CHKA: variants seen among roughly 807,000 people sequenced by gnomAD.
CHKA encodes CHETK-alpha.
CHKA carries 34 observed loss-of-function variants against 60.1 expected under a neutral mutation model. The observed-to-expected ratio is 0.57, with a 90% confidence interval of 0.43 to 0.75. The LOEUF (loss-of-function observed/expected upper bound fraction) is 0.75. CHKA is among the 30% of genes least tolerant of loss of function. CHKA has a pLI of 0.00. For synonymous variants in CHKA, 217 were observed against 223.1 expected (o/e 0.97, Z 0.24); for missense variants, 563 against 561.3 (o/e 1.00, Z -0.03).
At chr11:68,074,919 A>C in intron 3 of CHKA, 89 bp from the exon 4 acceptor site, 1 of 1,138,276 alleles carries the variant, frequency 8.8e-7, no homozygotes, top group Non-Finnish European at 1.3e-6. Flanking sequence ...GTTTCATCTG[A>C]TCCTCATGAG....
At chr11:68,117,545 C>A (rs1270373509) in intron 1 of CHKA, among the ~76,000 whole-genome samples, 1 of 151,884 alleles carries the variant, frequency 6.6e-6, no homozygotes, top group African/African-American at 2.4e-5. Context: ...AAAAATTAGC[C>A]GGATGTGGTG....
Position 68,053,938 on chromosome 11 carries a change from C to A in CHKA, c.*50G>T, listed in dbSNP as rs752340593. On this transcript the variant is annotated 3_prime_UTR_variant, in exon 12 of 12. Coordinates refer to ENST00000265689, the MANE Select transcript of CHKA (RefSeq NM_001277.3). The stretch of plus-strand genomic sequence containing the variant: ...GAAGCACAGAGGGGACCCCGCTCTG[C>A]TGCCTCCCCATGCAGTCCAGTGATG... 6.4e-7 allele frequency: 1 copy of A among 1,560,270 alleles called. No individual in the cohort carries two copies. The highest frequency in any genetic ancestry group is 1.4e-5 in the African/African-American group (1 of 73,936).
At chr11:68,106,227 C>G (rs1565192831) in intron 1 of CHKA, among the ~76,000 whole-genome samples, 2 of 152,042 alleles carry the variant, frequency 1.3e-5, no homozygotes, top group African/African-American at 2.4e-5. Context: ...TCTCTGAAAA[C>G]AAGAAAAGCC....
At chr11:68,057,694 C>G (rs1856075221) in intron 11 of CHKA, among the ~76,000 whole-genome samples, 1 of 152,102 alleles carries the variant, frequency 6.6e-6, no homozygotes, top group African/African-American at 2.4e-5. Flanking sequence ...GGTCTATTAT[C>G]TGTTTCAAGT....
At chr11:68,058,766 C>G (rs1201066316) in intron 11 of CHKA, among the ~76,000 whole-genome samples, 1 of 152,218 alleles carries the variant, frequency 6.6e-6, no homozygotes, top group African/African-American at 2.4e-5. Context: ...CCTCACTGCA[C>G]CAGCTAGGAG....
chr11:68,105,911 C>T (rs1372060160), intron 1 of CHKA, among the ~76,000 whole-genome samples: 1 of 151,992 alleles, frequency 6.6e-6, no homozygotes, highest in Admixed American at 6.6e-5. Context: ...GCAGGCAGTT[C>T]CATGACTATC....
intron 1 of CHKA, among the ~76,000 whole-genome samples, chr11:68,118,121 T>G (rs1017615072): frequency 6.9e-4 from 105 of 152,132 alleles, no homozygotes; most frequent in African/African-American, 2.2e-3. Flanking sequence ...GCAGATGCAC[T>G]GGCACTCAGT....
In CHKA at chr11:68,068,925, T is replaced by G. The variant is rs1856529337; in HGVS notation, c.882A>C (p.Glu294Asp). The stretch of plus-strand genomic sequence containing the variant: ...AAAATACAACTGGAGATGGAGTAGA[T>G]TCAAGCAATGATCTGAAAAGAAAGG... Reference protein sequence around the residue: ...LELENLRSLLESTPSPVVFCH... With the variant: ...LELENLRSLLDSTPSPVVFCH... Residue 294 changes from glutamate to aspartate, a missense_variant, in exon 7 of 12, where the codon GAA (glutamate) becomes GAC (aspartate). Physicochemically the swap from Glu to Asp is conservative, Grantham distance 45. Transcript: ENST00000265689. 6.2e-7 allele frequency: 1 copy of G among 1,612,178 alleles called. No individual in the cohort carries two copies. The highest frequency in any genetic ancestry group is 8.5e-7 in the Non-Finnish European group (1 of 1,178,884).
upstream of CHKA, chr11:68,121,388 TGCC>T: frequency 5.6e-6 from 1 of 178,842 alleles, no homozygotes; most frequent in Non-Finnish European, 1.1e-5. Flanking sequence ...CTCGCTCCTC[TGCC>T]GCCGCCGCAC....
chr11:68,072,342 T>C (rs920737781), intron 4 of CHKA, among the ~76,000 whole-genome samples: 12 of 151,972 alleles, frequency 7.9e-5, no homozygotes, highest in African/African-American at 2.4e-4. Flanking sequence ...CCCAGGAGTT[T>C]GAGACCAGCC....
intron 4 of CHKA, among the ~76,000 whole-genome samples, chr11:68,072,589 T>C (rs1267931471): frequency 7.2e-6 from 1 of 138,882 alleles, no homozygotes; most frequent in Non-Finnish European, 1.6e-5. Flanking sequence ...AGAAATAACA[T>C]ACGGTATTAG....
chr11:68,120,917 C>T lies in CHKA; in HGVS notation c.261G>A (p.Thr87=). 8.2e-7 allele frequency: 1 copy of T among 1,223,572 alleles called. No individual in the cohort carries two copies. The highest frequency in any genetic ancestry group is 1.0e-6 in the Non-Finnish European group (1 of 973,058). 75.8% of individuals were successfully genotyped at this position (1,223,572 alleles called of 1,614,324 possible). A position where few individuals can be genotyped will look rare whatever the true frequency, so the allele number is the denominator to read the frequency against. ...PPADEQPEPR[T]RRRAYLWCKE... ...TGCACCACAGATAGGCCCTGCGCCG[C>T]GTCCGGGGCTCCGGCTGCTCGTCTG... The change falls in exon 1 of 12, where the codon ACG becomes ACA. Residue 87 remains threonine (T), a synonymous_variant. Transcript: ENST00000265689.
chr11:68,076,969 G>A (rs1856813285), intron 3 of CHKA, among the ~76,000 whole-genome samples: 1 of 152,172 alleles, frequency 6.6e-6, no homozygotes, highest in South Asian at 2.1e-4. Flanking sequence ...CGGGTGCGGT[G>A]GCTCACGCCT....
intron 2 of CHKA, among the ~76,000 whole-genome samples, chr11:68,084,380 G>GTA (rs1177501088): frequency 1.9e-4 from 21 of 113,442 alleles, no homozygotes; most frequent in African/African-American, 4.0e-4. Flanking sequence ...ACGTATATGT[G>GTA]TATATATATA....
intron 3 of CHKA, among the ~76,000 whole-genome samples, chr11:68,080,997 G>A (rs1203614964): frequency 6.6e-6 from 1 of 152,224 alleles, no homozygotes; most frequent in African/African-American, 2.4e-5. Context: ...AAAATGGGTG[G>A]CCACCAAAAC....
intron 1 of CHKA, among the ~76,000 whole-genome samples, chr11:68,108,387 T>C (rs1273607502): frequency 6.6e-6 from 1 of 152,124 alleles, no homozygotes; most frequent in Non-Finnish European, 1.5e-5. Flanking sequence ...GTAAGAAGCT[T>C]AGAAGTCGCC....
At chr11:68,086,251 T>C (rs1590859816) in intron 2 of CHKA, among the ~76,000 whole-genome samples, 4 of 152,018 alleles carry the variant, frequency 2.6e-5, no homozygotes. Flanking sequence ...GAGGCCGAGG[T>C]TGCAGTGAGC....
At chr11:68,118,777 C>A (rs143512682) in intron 1 of CHKA, among the ~76,000 whole-genome samples, 1 of 152,330 alleles carries the variant, frequency 6.6e-6, no homozygotes, top group East Asian at 1.9e-4. Context: ...ACTGCTAACT[C>A]CTGGAGAAAA....
At chr11:68,065,645 G>C in intron 9 of CHKA, 141 bp downstream of exon 9, 3 of 603,012 alleles carry the variant, frequency 5.0e-6, no homozygotes, top group Non-Finnish European at 9.0e-6. Context: ...AGGGTACAGT[G>C]AGCCATGATC....
Sources: allele counts gnomAD v4.1 joint callset (sites outside exome capture counted in the v4.1 genomes callset), GRCh38; gene constraint gnomAD v4.1.1; transcripts MANE v1.5; gene names NCBI Gene and HGNC (gene_info 2026-07-23, HGNC 2026-07-21).